The following ARID4A variants were observed in gnomAD, a reference collection of about 807,000 sequenced individuals.
The protein encoded by ARID4A is AT-rich interactive domain-containing protein 4A.
ARID4A carries 39 observed loss-of-function variants against 148.6 expected under a neutral mutation model. That is an observed-to-expected ratio of 0.26 (90% CI 0.20 to 0.34). The LOEUF (loss-of-function observed/expected upper bound fraction) is 0.34, where lower values mean the gene tolerates loss of function less well. Ranked by LOEUF, ARID4A falls within the 10% of genes least tolerant of loss-of-function variation. ARID4A has a pLI of 1.00. For missense variants in ARID4A, 1,265 were observed against 1,449.1 expected, an observed-to-expected ratio of 0.87 and a Z score of 2.06; for synonymous variants, 475 against 481.2, an observed-to-expected ratio of 0.99 and a Z score of 0.17.
intron 16 of ARID4A, among the ~76,000 whole-genome samples, chr14:58,352,330 T>A (rs2034675356): frequency 6.6e-6 from 1 of 152,176 alleles, no homozygotes; most frequent in African/African-American, 2.4e-5. Flanking sequence ...TAATGAAATA[T>A]AATTAGGATT....
At position 58,362,789 on chromosome 14, in the gene ARID4A, C is replaced by T. The variant is rs1184789480; in HGVS notation, c.2081-1381C>T. On this transcript the variant is annotated intron_variant, in intron 19 of 23. Transcript: ENST00000355431. Reference sequence around the variant, plus strand: ...GCCACGCTGGTCTCGCACTCTTGACCTCAAGTGATGTACCCGCCTCAGCGT... The same window carrying T: ...GCCACGCTGGTCTCGCACTCTTGACTTCAAGTGATGTACCCGCCTCAGCGT... 3.9e-5 allele frequency among the ~76,000 whole-genome samples: 6 copies of T among 152,046 alleles called. No homozygotes were observed. In the South Asian group the frequency reaches 8.3e-4, roughly 21 times the overall value.
chr14:58,328,172 T>C lies in ARID4A; in HGVS notation c.583-65T>C, dbSNP rs1687183699. On this transcript the variant is annotated intron_variant, in intron 8 of 23. Coordinates refer to ENST00000355431, the MANE Select transcript of ARID4A (RefSeq NM_002892.4). ...AGTTAGGGGATCCAGAATTGTTCTT[T>C]TGAAAAATACTGTTTTTCTGAGCAC... 3.3e-6 allele frequency: 4 copies of C among 1,215,576 alleles called. No individual in the cohort carries two copies. In the South Asian group the frequency reaches 3.9e-5, roughly 12 times the overall value. The allele number at this position is 1,215,576 out of a possible 1,614,324, so 75.3% of individuals were successfully genotyped here. A position where few individuals can be genotyped will look rare whatever the true frequency, so the allele number is the denominator to read the frequency against.
rs371483660 is a variant in ARID4A at position 58,364,658 on chromosome 14, C to T, written c.2569C>T (p.Arg857Trp). ...ATGTGTGAAAGAAAAGAAGTTGAAA[C>T]GGAAAATACTAGGACAATCATCGCC... ...DQCVKEKKLK[R>W]KILGQSSPEK... The change falls in exon 20 of 24, where the codon CGG becomes TGG. Residue 857 changes from arginine to tryptophan, a missense_variant. Arg to Trp is a moderately radical substitution (Grantham distance 101). Coordinates refer to ENST00000355431, the MANE Select transcript of ARID4A (RefSeq NM_002892.4). 50 of 1,613,184 alleles carry T rather than the reference C, an allele frequency of 3.1e-5. No homozygotes were observed. The highest frequency in any genetic ancestry group is 5.0e-5 in the Admixed American group (3 of 59,914).
intron 5 of ARID4A, among the ~76,000 whole-genome samples, chr14:58,311,400 C>A (rs930227780): frequency 6.6e-6 from 1 of 152,160 alleles, no homozygotes; most frequent in Non-Finnish European, 1.5e-5. Context: ...TTACCTCACA[C>A]CTGCTAGAAT....
At chr14:58,321,496 C>T (rs2032885890) in intron 7 of ARID4A, among the ~76,000 whole-genome samples, 1 of 152,112 alleles carries the variant, frequency 6.6e-6, no homozygotes, top group African/African-American at 2.4e-5. Context: ...CACTTTTTCA[C>T]CTTCTGGCAT....
At position 58,351,155 on chromosome 14, in the gene ARID4A, A is replaced by G. The variant is rs368203750; in HGVS notation, c.1487A>G (p.Asn496Ser). Reference sequence around the variant, plus strand: ...AAAACAGAAGACAAATTAAAAGATAATGATACAGAAAATAAGGATGTAGAT... The same window carrying G: ...AAAACAGAAGACAAATTAAAAGATAGTGATACAGAAAATAAGGATGTAGAT... ...EEKTEDKLKDNDTENKDVDDD... is the reference protein window; with the variant it reads ...EEKTEDKLKDSDTENKDVDDD... The change falls in exon 16 of 24, where the codon AAT becomes AGT. Residue 496 changes from asparagine to serine, a missense_variant. By Grantham distance (46) the Asn-to-Ser change is conservative. This residue lies in a region of ARID4A where 205 missense variants were observed against 196.9 expected (regional missense o/e 1.04). Coordinates refer to ENST00000355431, the MANE Select transcript of ARID4A (RefSeq NM_002892.4). 2 of 1,610,338 alleles carry G rather than the reference A, an allele frequency of 1.2e-6. No homozygotes were observed. Among genetic ancestry groups the G allele is most frequent in the South Asian group, 1.1e-5 (1 of 89,770 alleles).
chr14:58,310,510 C>T (rs1162638724), intron 5 of ARID4A, among the ~76,000 whole-genome samples: 2 of 152,098 alleles, frequency 1.3e-5, no homozygotes, highest in Admixed American at 6.6e-5. Context: ...GCCAGGAGCA[C>T]ATACTGGGGA....
rs1278147046 is a variant in ARID4A, at chr14:58,361,015, A to G, written c.2053A>G (p.Lys685Glu). 1 of 1,613,984 alleles carries G rather than the reference A, an allele frequency of 6.2e-7. No individual in the cohort carries two copies. Among genetic ancestry groups the G allele is most frequent in the Non-Finnish European group, 8.5e-7 (1 of 1,179,946 alleles). ...ATCAAACATGCCGTATGGCTTATCT[A>G]AGACAGCAAACAGTGAAGGAAAATC... ...LSSNMPYGLS[K>E]TANSEGKSDS... Residue 685 changes from lysine (K) to glutamate (E), a missense_variant, in exon 19 of 24, where the codon AAG (lysine) becomes GAG (glutamate). Transcript: ENST00000355431.
In ARID4A at chr14:58,373,311, C is replaced by T. The variant is rs1200834113; in HGVS notation, c.*1322C>T. On this transcript the variant is annotated 3_prime_UTR_variant, in exon 24 of 24. Transcript: ENST00000355431. Reference sequence around the variant, plus strand: ...ATTTTGTAAATAATTCTTCCAAAATCATGTATTTAAAGCAGTTTTGCATAT... The same window carrying T: ...ATTTTGTAAATAATTCTTCCAAAATTATGTATTTAAAGCAGTTTTGCATAT... 1 of 192,114 alleles carries T rather than the reference C, an allele frequency of 5.2e-6. No homozygotes were observed. The highest frequency in any genetic ancestry group is 8.3e-5 in the East Asian group (1 of 12,064). The allele number at this position is 192,114 out of a possible 1,614,324, so 11.9% of individuals were successfully genotyped here. A position where few individuals can be genotyped will look rare whatever the true frequency, so the allele number is the denominator to read the frequency against.
chr14:58,355,792 C>G lies in ARID4A; in HGVS notation c.1853+1937C>G, dbSNP rs113305795. 8.1e-3 allele frequency among the ~76,000 whole-genome samples: 1,233 copies of G among 152,284 alleles called. 23 individuals are homozygous for G. Among genetic ancestry groups the G allele is most frequent in the African/African-American group, 0.028 (1,146 of 41,564 alleles). On this transcript the variant is annotated intron_variant, in intron 17 of 23. Coordinates refer to ENST00000355431, the MANE Select transcript of ARID4A (RefSeq NM_002892.4). ...TTTCTTCCTCAGATTCTTTAGTTCA[C>G]AACTATCCACTCCTATTTCACATCT...
rs1386119940 is a variant in ARID4A, at chr14:58,323,567, G to A, written c.532G>A (p.Val178Ile). The A allele has an allele frequency of 1.9e-6, 3 of 1,614,178 alleles. No homozygotes were observed. The highest frequency in any genetic ancestry group is 2.2e-5 in the South Asian group (2 of 91,086). Reference protein sequence around the residue: ...RRLNDELLGKVVSVVSATERT... With the variant: ...RRLNDELLGKIVSVVSATERT... ...TCTCAATGATGAATTACTAGGAAAA[G>A]TTGTAAGTGTGGTGTCTGCAACGGA... Residue 178 changes from valine to isoleucine, a missense_variant, in exon 8 of 24, where the codon GTT becomes ATT. Val to Ile is a conservative substitution (Grantham distance 29, BLOSUM62 3). This residue lies in a region of ARID4A where 249 missense variants were observed against 277.2 expected (regional missense o/e 0.90). Coordinates refer to ENST00000355431, the MANE Select transcript of ARID4A (RefSeq NM_002892.4).
intron 11 of ARID4A, among the ~76,000 whole-genome samples, chr14:58,339,018 G>C (rs977746302): frequency 6.9e-6 from 1 of 144,014 alleles, no homozygotes; most frequent in East Asian, 2.1e-4. Context: ...TCAGGCTGGA[G>C]TGCAGTGGTG....
Position 58,364,653 on chromosome 14 carries a change from T to C in ARID4A, c.2564T>C (p.Leu855Ser). The C allele has an allele frequency of 1.9e-6, 3 of 1,613,860 alleles. No homozygotes were observed. The highest frequency in any genetic ancestry group is 1.7e-6 in the Non-Finnish European group (2 of 1,179,958). ...EIDQCVKEKK[L>S]KRKILGQSSP... ...GACCAATGTGTGAAAGAAAAGAAGTTGAAACGGAAAATACTAGGACAATCA... is the reference window on the plus strand; with the variant it reads ...GACCAATGTGTGAAAGAAAAGAAGTCGAAACGGAAAATACTAGGACAATCA... The change falls in exon 20 of 24, where the codon TTG becomes TCG. Residue 855 changes from leucine (L) to serine (S), a missense_variant. By Grantham distance (145) the Leu-to-Ser change is moderately radical. Coordinates refer to ENST00000355431, the MANE Select transcript of ARID4A (RefSeq NM_002892.4).
chr14:58,305,930 GTTTA>G (rs1341494579), intron 4 of ARID4A, 88 bp from the exon 5 acceptor site: 6 of 856,654 alleles, frequency 7.0e-6, no homozygotes, highest in Non-Finnish European at 9.9e-6. Context: ...TAAGTATGGT[GTTTA>G]TTTTTCTTAG....
intron 19 of ARID4A, among the ~76,000 whole-genome samples, chr14:58,363,805 A>G (rs1431161470): frequency 6.6e-6 from 1 of 152,160 alleles, no homozygotes; most frequent in Non-Finnish European, 1.5e-5. Flanking sequence ...TCCTTCCTAG[A>G]TACTATCTCA....
intron 8 of ARID4A, among the ~76,000 whole-genome samples, chr14:58,327,261 A>G (rs2033267296): frequency 6.6e-6 from 1 of 152,228 alleles, no homozygotes; most frequent in Non-Finnish European, 1.5e-5. Flanking sequence ...CCATCAGTGC[A>G]CAAAGGTCTG....
chr14:58,319,465 A>G (rs928615685), intron 7 of ARID4A, among the ~76,000 whole-genome samples: 3 of 151,054 alleles, frequency 2.0e-5, no homozygotes, highest in Non-Finnish European at 2.9e-5. Context: ...AAACATTTCA[A>G]ACTTAAAGAT....
Position 58,359,219 on chromosome 14 carries a change from A to C in ARID4A, c.1938+3A>C. The C allele has an allele frequency of 6.3e-7, 1 of 1,583,690 alleles. No individual in the cohort carries two copies. Among genetic ancestry groups the C allele is most frequent in the Non-Finnish European group, 8.5e-7 (1 of 1,171,206 alleles). ...AAAAACAGAAGAAAAAAGCTAAAGT[A>C]TGTTTGTAGATTTATGTCCTTTATA... On this transcript the variant is annotated splice_donor_region_variant and intron_variant, in intron 18 of 23. Transcript: ENST00000355431.
chr14:58,340,731 T>A (rs1413585553), intron 11 of ARID4A, among the ~76,000 whole-genome samples: 4 of 151,406 alleles, frequency 2.6e-5, no homozygotes, highest in Admixed American at 2.0e-4. Context: ...GTAATCCACC[T>A]GTCTTGGCCC....
Sources: allele counts gnomAD v4.1 joint callset (sites outside exome capture counted in the v4.1 genomes callset), GRCh38; gene constraint gnomAD v4.1.1; regional missense constraint gnomAD v4.1.1; transcripts MANE v1.5; gene names NCBI Gene and HGNC (gene_info 2026-07-23, HGNC 2026-07-21).